SLC36A1: variants seen among roughly 807,000 people sequenced by gnomAD.
SLC36A1 encodes the protein proton-coupled amino acid transporter 1.
A neutral mutation model predicts 47.5 loss-of-function variants in SLC36A1; 30 were observed. The observed-to-expected ratio is 0.63, with a 90% CI of 0.47 to 0.86. The LOEUF is 0.86. Ranked by LOEUF, SLC36A1 falls within the 40% of genes least tolerant of loss-of-function variation. The pLI is 0.00. For missense variants in SLC36A1, 517 were observed against 606.0 expected, an observed-to-expected ratio of 0.85 and a Z score of 1.54; for synonymous variants, 255 against 249.7, an observed-to-expected ratio of 1.02 and a Z score of -0.20.
At chr5:151,363,487 A>G in the SLC36A1 span, among the ~76,000 whole-genome samples, 1 of 151,736 alleles carries the variant, frequency 6.6e-6, no homozygotes, top group African/African-American at 2.4e-5. Context: ...CACTGGTGAT[A>G]CTCTTGGTGC....
the SLC36A1 span, among the ~76,000 whole-genome samples, chr5:151,379,600 G>A: frequency 6.6e-6 from 1 of 152,170 alleles, no homozygotes; most frequent in African/African-American, 2.4e-5. Flanking sequence ...CCAAAGTGCT[G>A]GGATTACAGG....
intron 9 of SLC36A1, chr5:151,477,526 G>A (rs1292493359): frequency 6.6e-6 from 1 of 152,272 alleles, no homozygotes; most frequent in Non-Finnish European, 1.5e-5. Flanking sequence ...ACCCTGCTTA[G>A]CTTCCAAGAT....
the SLC36A1 span, among the ~76,000 whole-genome samples, chr5:151,514,086 A>G: frequency 6.6e-6 from 1 of 152,190 alleles, no homozygotes; most frequent in Non-Finnish European, 1.5e-5. Flanking sequence ...GATCTAACCC[A>G]GTGTTTCTTA....
chr5:151,375,553 A>G, the SLC36A1 span, among the ~76,000 whole-genome samples: 1 of 151,136 alleles, frequency 6.6e-6, no homozygotes, highest in South Asian at 2.1e-4. Flanking sequence ...CTTTTGGGGG[A>G]GGGGTTCCAT....
downstream of SLC36A1, among the ~76,000 whole-genome samples, chr5:151,496,557 T>G (rs888782910): frequency 3.3e-5 from 5 of 152,162 alleles, no homozygotes; most frequent in East Asian, 1.9e-4. Flanking sequence ...TTTGTGGTGT[T>G]TGTTTGTTTG....
At chr5:151,388,377 G>A in the SLC36A1 span, among the ~76,000 whole-genome samples, 8 of 151,918 alleles carry the variant, frequency 5.3e-5, no homozygotes, top group East Asian at 1.9e-4. Flanking sequence ...GGCGCATGCC[G>A]GTAATCCCAG....
chr5:151,502,374 C>CT, the SLC36A1 span, among the ~76,000 whole-genome samples: 1 of 147,898 alleles, frequency 6.8e-6, no homozygotes, highest in Non-Finnish European at 1.5e-5. Context: ...AAGGCACAGA[C>CT]TGAGAAAATA....
At chr5:151,546,262 T>C in the SLC36A1 span, 1 of 1,614,164 alleles carries the variant, frequency 6.2e-7, no homozygotes, top group Non-Finnish European at 8.5e-7. Flanking sequence ...TGGGGCATGA[T>C]TTGCCTGATC....
At chr5:151,367,042 G>A in the SLC36A1 span, among the ~76,000 whole-genome samples, 1 of 152,256 alleles carries the variant, frequency 6.6e-6, no homozygotes, top group Non-Finnish European at 1.5e-5. Flanking sequence ...ATGCTTCTGA[G>A]GGAACAGGAA....
chr5:151,493,806 T>A (rs1332210107), downstream of SLC36A1, among the ~76,000 whole-genome samples: 1 of 152,186 alleles, frequency 6.6e-6, no homozygotes, highest in East Asian at 1.9e-4. Context: ...AAGAGGAAGG[T>A]TTGCCTTGGG....
chr5:151,468,773 A>T (rs1339736653), intron 7 of SLC36A1, among the ~76,000 whole-genome samples: 1 of 152,140 alleles, frequency 6.6e-6, no homozygotes, highest in African/African-American at 2.4e-5. Flanking sequence ...CATTGTATAC[A>T]GTTGGAAAAT....
chr5:151,377,001 A>G, the SLC36A1 span, among the ~76,000 whole-genome samples: 2 of 152,108 alleles, frequency 1.3e-5, no homozygotes, highest in East Asian at 3.8e-4. Context: ...ATATGGTTTA[A>G]TTTTCATGTA....
chr5:151,479,497 G>C lies in SLC36A1; in HGVS notation c.1159+8G>C, dbSNP rs149620473. The C allele has an allele frequency of 1.9e-3, 3,096 of 1,608,532 alleles. 5 individuals carry two copies. Among genetic ancestry groups the C allele is most frequent in the Non-Finnish European group, 2.5e-3 (2,953 of 1,175,718 alleles). On this transcript the variant is annotated splice_region_variant and intron_variant, in intron 10 of 10. Coordinates refer to ENST00000243389, the MANE Select transcript of SLC36A1 (RefSeq NM_078483.4). ...TGCTGGTCTGCCTGACATGTGAGTA[G>C]AAGATGATAATTGCCTTGCTTGTTT...
chr5:151,351,775 C>T, the SLC36A1 span, among the ~76,000 whole-genome samples: 2 of 152,262 alleles, frequency 1.3e-5, no homozygotes, highest in African/African-American at 4.8e-5. Context: ...CAGCATCATC[C>T]CTCACTTGGA....
At chr5:151,474,861 G>T (rs914205773) in intron 8 of SLC36A1, among the ~76,000 whole-genome samples, 9 of 152,198 alleles carry the variant, frequency 5.9e-5, no homozygotes, top group Non-Finnish European at 4.4e-5. Flanking sequence ...CCTCCTCCCG[G>T]CACGGCACTT....
chr5:151,505,210 A>G, the SLC36A1 span: 1 of 367,920 alleles, frequency 2.7e-6, no homozygotes, highest in Non-Finnish European at 5.0e-6. Context: ...GGTGAAGTTG[A>G]GCCAGCACAG....
chr5:151,378,351 T>G, the SLC36A1 span: 8 of 189,962 alleles, frequency 4.2e-5, no homozygotes, highest in Non-Finnish European at 7.0e-5. Context: ...TGTTAAATCC[T>G]GGTAAATAAG....
At chr5:151,441,127 C>A (rs1752601133) in intron 1 of SLC36A1, among the ~76,000 whole-genome samples, 1 of 152,154 alleles carries the variant, frequency 6.6e-6, no homozygotes, top group African/African-American at 2.4e-5. Context: ...GAAGCACTGG[C>A]ACAATGGTTA....
At chr5:151,380,968 C>A in the SLC36A1 span, 1 of 395,994 alleles carries the variant, frequency 2.5e-6, no homozygotes, top group Middle Eastern at 5.0e-4. Context: ...TGTGACAGGC[C>A]AGATCCCTCC....
Sources: gnomAD v4.1 joint callset for allele counts (sites outside exome capture counted in the v4.1 genomes callset) on GRCh38, gnomAD v4.1.1 for gene constraint, MANE v1.5 for transcripts, NCBI Gene and HGNC (gene_info 2026-07-23, HGNC 2026-07-21) for gene names.